The following BMERB1 variants were observed in gnomAD, a reference collection of about 807,000 sequenced individuals.
The protein encoded by BMERB1 is bMERB domain containing 1, also known as bMERB domain-containing protein 1.
In BMERB1, 12 loss-of-function variants were observed where a neutral mutation model predicts 23.6. That is an observed-to-expected ratio of 0.51 (90% CI 0.33 to 0.82). BMERB1 has a LOEUF of 0.82. Among genes scored for constraint, BMERB1 ranks in the 40% least tolerant of loss-of-function variants. The pLI, the probability that BMERB1 is intolerant of heterozygous loss-of-function variation, is 0.03. For synonymous variants in BMERB1, 122 were observed against 96.6 expected, an observed-to-expected ratio of 1.26 and a Z score of -1.54; for missense variants, 247 against 255.4, an observed-to-expected ratio of 0.97 and a Z score of 0.22.
At chr16:15,532,957 A>G (rs1211365199) in intron 2 of BMERB1, 8 of 453,988 alleles carry the variant, frequency 1.8e-5, no homozygotes, top group African/African-American at 1.6e-4. Flanking sequence ...AATTACACCT[A>G]GATTTACATT....
At chr16:15,436,725 C>T (rs967551146) in intron 1 of BMERB1, among the ~76,000 whole-genome samples, 12 of 152,150 alleles carry the variant, frequency 7.9e-5, no homozygotes, top group African/African-American at 2.9e-4. Flanking sequence ...AACCATCATT[C>T]TACTCTGTAT....
intron 1 of BMERB1, among the ~76,000 whole-genome samples, chr16:15,458,979 C>T (rs1163314042): frequency 7.2e-5 from 11 of 151,916 alleles, no homozygotes; most frequent in Non-Finnish European, 1.5e-4. Flanking sequence ...TGGTGGCGGG[C>T]GCCCATAATC....
chr16:15,513,774 A>T (rs1302603814), intron 1 of BMERB1, among the ~76,000 whole-genome samples: 1 of 152,088 alleles, frequency 6.6e-6, no homozygotes, highest in Admixed American at 6.6e-5. Context: ...TAAACTTGTT[A>T]TCCCAGCTAC....
intron 1 of BMERB1, among the ~76,000 whole-genome samples, chr16:15,476,056 AAC>A (rs2051272447): frequency 1.3e-5 from 2 of 152,234 alleles, no homozygotes; most frequent in African/African-American, 4.8e-5. Context: ...CCTGTGAACA[AAC>A]ACACTTTTAT....
At chr16:15,572,898 A>G (rs187272125) in intron 3 of BMERB1, among the ~76,000 whole-genome samples, 2 of 152,240 alleles carry the variant, frequency 1.3e-5, no homozygotes, top group African/African-American at 4.8e-5. Flanking sequence ...ATGGTTTTAT[A>G]AGGGGTTTCC....
At chr16:15,482,563 G>A (rs561301947) in intron 1 of BMERB1, among the ~76,000 whole-genome samples, 1 of 152,222 alleles carries the variant, frequency 6.6e-6, no homozygotes, top group East Asian at 1.9e-4. Flanking sequence ...GCAGCTTGGA[G>A]TTGAGTCACT....
intron 1 of BMERB1, among the ~76,000 whole-genome samples, chr16:15,476,009 TCA>T (rs2051271968): frequency 6.6e-6 from 1 of 152,126 alleles, no homozygotes; most frequent in East Asian, 1.9e-4. Context: ...CCATCCTGAA[TCA>T]CATCACTTGA....
At chr16:15,539,981 C>T (rs970327782) in intron 2 of BMERB1, among the ~76,000 whole-genome samples, 14 of 151,928 alleles carry the variant, frequency 9.2e-5, no homozygotes, top group African/African-American at 2.9e-4. Flanking sequence ...GGCAACATGA[C>T]GAAACTCCGT....
At chr16:15,550,631 C>G (rs1378311881) in intron 2 of BMERB1, among the ~76,000 whole-genome samples, 1 of 152,108 alleles carries the variant, frequency 6.6e-6, no homozygotes, top group Non-Finnish European at 1.5e-5. Context: ...AGCCACCGCG[C>G]CCGGCCTGAA....
chr16:15,489,504 C>T (rs73505549), intron 1 of BMERB1, among the ~76,000 whole-genome samples: 3,638 of 152,142 alleles, frequency 0.024, 146 homozygotes, highest in African/African-American at 0.082. Context: ...AGTCCCACAT[C>T]GAGGTTTAGT....
At chr16:15,456,975 G>A (rs1251809569) in intron 1 of BMERB1, among the ~76,000 whole-genome samples, 1 of 151,882 alleles carries the variant, frequency 6.6e-6, no homozygotes, top group African/African-American at 2.4e-5. Context: ...ACAGGCACGC[G>A]CCACTATGCC....
chr16:15,458,709 C>T (rs1323766024), intron 1 of BMERB1, among the ~76,000 whole-genome samples: 2 of 140,860 alleles, frequency 1.4e-5, no homozygotes, highest in Non-Finnish European at 3.1e-5. Context: ...AAAGTGAGAC[C>T]GTGTGTCCAA....
At chr16:15,560,979 C>T (rs1482228166) in intron 2 of BMERB1, among the ~76,000 whole-genome samples, 23 of 88,590 alleles carry the variant, frequency 2.6e-4, no homozygotes, top group African/African-American at 1.2e-3. Context: ...TTTTTTGAGA[C>T]GGAGTCTCGC....
intron 1 of BMERB1, among the ~76,000 whole-genome samples, chr16:15,461,630 A>T (rs1294022504): frequency 2.6e-5 from 4 of 152,134 alleles, no homozygotes; most frequent in Non-Finnish European, 4.4e-5. Flanking sequence ...GCCAGTAAAA[A>T]TACTAGATGT....
rs886315765 is a variant in BMERB1, at chr16:15,514,432, C to T, written c.107-873C>T. ...CAGAGGCTTAGAATCTGGGACCAGG[C>T]AGGAGCTGACAAGGCCTTAATCAGG... is the stretch of plus-strand genomic sequence containing the variant. On this transcript the variant is annotated intron_variant, in intron 1 of 5. Coordinates refer to ENST00000300006, the MANE Select transcript of BMERB1 (RefSeq NM_033201.3). Among the ~76,000 whole-genome samples, 4 of 152,162 alleles carry T rather than the reference C, an allele frequency of 2.6e-5. No individual in the cohort carries two copies. The East Asian group carries it at 7.7e-4, about 29-fold the overall frequency.
At chr16:15,486,201 C>CAA (rs35607256) in intron 1 of BMERB1, among the ~76,000 whole-genome samples, 9,072 of 104,074 alleles carry the variant, frequency 0.087, 362 homozygotes, top group Non-Finnish European at 0.1. Flanking sequence ...GACTCCATCT[C>CAA]AAAAAAAAAA....
chr16:15,447,258 A>G (rs2050998088), intron 1 of BMERB1, among the ~76,000 whole-genome samples: 1 of 152,204 alleles, frequency 6.6e-6, no homozygotes, highest in South Asian at 2.1e-4. Flanking sequence ...AGTCCTCAGG[A>G]AACTTAAAAT....
intron 1 of BMERB1, among the ~76,000 whole-genome samples, chr16:15,495,821 C>T (rs566581851): frequency 5.3e-5 from 8 of 152,254 alleles, no homozygotes; most frequent in Non-Finnish European, 8.8e-5. Flanking sequence ...ATATTCCCAG[C>T]CAAGGGAGTT....
intron 3 of BMERB1, among the ~76,000 whole-genome samples, chr16:15,578,508 G>T (rs928533498): frequency 1.3e-5 from 2 of 152,066 alleles, no homozygotes; most frequent in Non-Finnish European, 1.5e-5. Flanking sequence ...CCAAATAGAA[G>T]AGATATAAAC....
Sources: gnomAD v4.1 joint callset for allele counts (sites outside exome capture counted in the v4.1 genomes callset) on GRCh38, gnomAD v4.1.1 for gene constraint, MANE v1.5 for transcripts, NCBI Gene and HGNC (gene_info 2026-07-23, HGNC 2026-07-21) for gene names.